Variants in NTF4 observed in about 807,000 individuals in gnomAD.
NTF4 encodes the protein neurotrophin 4.
In NTF4, 2 loss-of-function variants were observed where a neutral mutation model predicts 4.4. The ratio of observed to expected loss-of-function variants is 0.46; its 90% CI spans 0.19 to 1.44. The LOEUF (loss-of-function observed/expected upper bound fraction) is 1.44. NTF4 is among the 40% of genes most tolerant of loss of function. The pLI, the probability that NTF4 is intolerant of heterozygous loss-of-function variation, is 0.26. For missense variants in NTF4, 260 were observed against 293.0 expected (o/e 0.89, Z 0.82); for synonymous variants, 127 against 122.0 (o/e 1.04, Z -0.27).
upstream of NTF4, chr19:49,063,747 ACCT>A (rs1252909391): frequency 2.6e-5 from 4 of 151,840 alleles, no homozygotes; most frequent in African/African-American, 9.7e-5. Flanking sequence ...ACCTGTCAGC[ACCT>A]CCTCCGCCTC....
chr19:49,058,367 A>G (rs949360409), downstream of NTF4: 17 of 1,292,330 alleles, frequency 1.3e-5, no homozygotes, highest in African/African-American at 1.5e-5. Flanking sequence ...GGCGCCGCAC[A>G]TCAGCTAGAA....
At chr19:49,060,036 CAAAAAAAAAAAA>C (rs55870191), downstream of NTF4, among the ~76,000 whole-genome samples, 28 of 28,424 alleles carry the variant, frequency 9.9e-4, no homozygotes, top group East Asian at 8.0e-3. Flanking sequence ...GACTCCATCT[CAAAAAAAAAAAA>C]AAAAAAAAAA....
chr19:49,058,632 A>T (rs1335951293), downstream of NTF4: 4 of 389,468 alleles, frequency 1.0e-5, no homozygotes, highest in African/African-American at 8.4e-5. Flanking sequence ...GGCGGGGGGA[A>T]GGGTACGGGT....
In NTF4 at chr19:49,061,621, G is replaced by A; in HGVS notation, c.377C>T (p.Ala126Val). Residue 126 changes from alanine to valine, a missense_variant, in exon 1 of 1, where the codon GCA (alanine) becomes GTA (valine). By Grantham distance (64) the Ala-to-Val change is moderately conservative. Coordinates refer to ENST00000593537, the Ensembl canonical transcript of NTF4. This position sits in a 1 kb window ranked among gnomAD's most constrained non-coding sequence, Gnocchi z 4.9. ...CTGGCGGAGGGGACTGCCGCCAGCT[G>A]CAGGCACCTCGCCCAACACCTCCAC... 6.2e-7 allele frequency: 1 copy of A among 1,613,940 alleles called. No homozygotes were observed. Among genetic ancestry groups the A allele is most frequent in the Non-Finnish European group, 8.5e-7 (1 of 1,180,016 alleles).
In NTF4 at chr19:49,061,212, TG is replaced by T. The variant is rs1299304300; in HGVS notation, c.*152del. On this transcript the variant is annotated 3_prime_UTR_variant, in exon 1 of 1. Transcript: ENST00000593537. This position sits in a 1 kb window ranked among gnomAD's most constrained non-coding sequence, Gnocchi z 4.9. ...CCTATTCAACCTCCAAAACCCCATGTGGTTTCACCCATCCTGCAGAGATTGA... is the reference window on the plus strand; with the variant it reads ...CCTATTCAACCTCCAAAACCCCATGTGTTTCACCCATCCTGCAGAGATTGA... The T allele has an allele frequency of 6.9e-7, 1 of 1,458,856 alleles. No homozygotes were observed. The highest frequency in any genetic ancestry group is 1.4e-5 in the African/African-American group (1 of 71,454). The allele number at this position is 1,458,856 out of a possible 1,614,324, so 90.4% of individuals were successfully genotyped here. A position where few individuals can be genotyped will look rare whatever the true frequency, so the allele number is the denominator to read the frequency against.
upstream of NTF4, chr19:49,064,496 T>C (rs1181787213): frequency 1.3e-5 from 2 of 157,666 alleles, no homozygotes; most frequent in Non-Finnish European, 2.7e-5. Context: ...GACCCAGAAG[T>C]CCAGGCCCCC....
rs759034173 is a variant in NTF4, at chr19:49,061,540, G to A, written c.458C>T (p.Ala153Val). 1.9e-6 allele frequency: 3 copies of A among 1,614,134 alleles called. No homozygotes were observed. The highest frequency in any genetic ancestry group is 2.5e-6 in the Non-Finnish European group (3 of 1,180,024). ...CACTCCCCGGCAGCCCCCTCCACCT[G>A]CCCCCGGGCCACCTTCCTCAGCGTT... Residue 153 changes from alanine (A) to valine (V), a missense_variant, in exon 1 of 1, where the codon GCA becomes GTA. Physicochemically the swap from Ala to Val is moderately conservative, Grantham distance 64 (BLOSUM62 0). Transcript: ENST00000593537. The surrounding 1 kb of genome is among the most constrained non-coding windows in gnomAD (Gnocchi z 4.9).
chr19:49,061,426 C>T lies in NTF4; in HGVS notation c.572G>A (p.Arg191Gln), dbSNP rs533615274. 1.9e-5 allele frequency: 30 copies of T among 1,613,810 alleles called. No individual in the cohort carries two copies. Among genetic ancestry groups the T allele is most frequent in the Non-Finnish European group, 2.5e-5 (30 of 1,180,024 alleles). ...GCAGGCAGTGTCAATTCGAATCCAT[C>T]GCCAGCCCACACGGCCCTGGGCATC... Residue 191 changes from arginine to glutamine, a missense_variant, in exon 1 of 1, where the codon CGA (arginine) becomes CAA (glutamine). Physicochemically the swap from Arg to Gln is conservative, Grantham distance 43 (BLOSUM62 1). Transcript: ENST00000593537. This position sits in a 1 kb window ranked among gnomAD's most constrained non-coding sequence, Gnocchi z 4.9.
downstream of NTF4, among the ~76,000 whole-genome samples, chr19:49,059,430 GAAGA>G (rs1046392113): frequency 6.6e-6 from 1 of 152,182 alleles, no homozygotes; most frequent in African/African-American, 2.4e-5. Flanking sequence ...AGACAGGGAG[GAAGA>G]AAGAGACCAC....
upstream of NTF4, chr19:49,064,519 C>G (rs952125273): frequency 6.3e-6 from 1 of 158,720 alleles, no homozygotes; most frequent in Non-Finnish European, 1.4e-5. Flanking sequence ...CACCCTTCTC[C>G]CTCAGACCCA....
upstream of NTF4, among the ~76,000 whole-genome samples, chr19:49,063,279 T>C (rs1287813508): frequency 2.0e-5 from 3 of 151,844 alleles, no homozygotes; most frequent in Non-Finnish European, 2.9e-5. Context: ...AGTGCTGGGA[T>C]TACAAGCATA....
rs778759908 is a variant in NTF4, at chr19:49,061,344, T to G, written c.*21A>C. On this transcript the variant is annotated 3_prime_UTR_variant, in exon 1 of 1. Transcript: ENST00000593537. The surrounding 1 kb of genome is among the most constrained non-coding windows in gnomAD (Gnocchi z 4.9). Reference sequence around the variant, plus strand: ...TGAGGTCTCTCAGCATCCAGCTCTGTTATTTTCCTGGGCATGGGTCTCAGG... The same window carrying G: ...TGAGGTCTCTCAGCATCCAGCTCTGGTATTTTCCTGGGCATGGGTCTCAGG... The G allele has an allele frequency of 3.1e-6, 5 of 1,611,320 alleles. No individual in the cohort carries two copies. The African/African-American group carries it at 6.7e-5, about 22-fold the overall frequency.
chr19:49,060,027 A>G (rs893035974), downstream of NTF4, among the ~76,000 whole-genome samples: 9 of 110,108 alleles, frequency 8.2e-5, no homozygotes, highest in East Asian at 2.9e-4. Flanking sequence ...ACAGAGCGAG[A>G]CTCCATCTCA....
chr19:49,059,092 A>G (rs2040102091), downstream of NTF4, among the ~76,000 whole-genome samples: 1 of 152,052 alleles, frequency 6.6e-6, no homozygotes, highest in African/African-American at 2.4e-5. Context: ...AGACCCCTGC[A>G]CTGCCCCCAG....
rs912207320 is a variant in NTF4 at position 49,061,846 on chromosome 19, C to T, written c.152G>A (p.Gly51Asp). Residue 51 changes from glycine to aspartate, a missense_variant, in exon 1 of 1, where the codon GGT (glycine) becomes GAT (aspartate). By Grantham distance (94) the Gly-to-Asp change is moderately conservative (BLOSUM62 -1). Coordinates refer to ENST00000593537, the Ensembl canonical transcript of NTF4. The surrounding 1 kb of genome is among the most constrained non-coding windows in gnomAD (Gnocchi z 4.9). The stretch of plus-strand genomic sequence containing the variant: ...GAGCAGAGGGGGCCCAGCAGGGGCA[C>T]CCCTAGACAGGACTACTCGGGGGGA... 58 of 1,549,814 alleles carry T rather than the reference C, an allele frequency of 3.7e-5. No individual in the cohort carries two copies. The highest frequency in any genetic ancestry group is 5.0e-5 in the Non-Finnish European group (57 of 1,146,450).
At position 49,061,721 on chromosome 19, in the gene NTF4, C is replaced by T. The variant is rs371019044; in HGVS notation, c.277G>A (p.Glu93Lys). The stretch of plus-strand genomic sequence containing the variant: ...CTGACTGCATCGCACACAGCCAGCT[C>T]ACCCCGACGACTCGCTGGTGCAGTT... The change falls in exon 1 of 1, where the codon GAG (glutamate) becomes AAG (lysine). Residue 93 changes from glutamate to lysine, a missense_variant. Transcript: ENST00000593537. This position sits in a 1 kb window ranked among gnomAD's most constrained non-coding sequence, Gnocchi z 4.9. 6.8e-6 allele frequency: 11 copies of T among 1,613,008 alleles called. No individual in the cohort carries two copies. In the African/African-American group the frequency reaches 1.1e-4, roughly 16 times the overall value.
downstream of NTF4, chr19:49,060,976 G>A (rs558961808): frequency 3.2e-4 from 77 of 241,514 alleles, no homozygotes; most frequent in South Asian, 3.9e-3. Flanking sequence ...CACCCACATC[G>A]TGAAATGTCC....
In NTF4 at chr19:49,061,396, C is replaced by A; in HGVS notation, c.602G>T (p.Cys201Phe). The A allele has an allele frequency of 6.2e-7, 1 of 1,612,998 alleles. No homozygotes were observed. The highest frequency in any genetic ancestry group is 8.5e-7 in the Non-Finnish European group (1 of 1,180,036). ...CCGGCCAGTCCGGCTGAGGAGTGTG[C>A]AGACGCAGGCAGTGTCAATTCGAAT... Residue 201 changes from cysteine (C) to phenylalanine (F), a missense_variant, in exon 1 of 1, where the codon TGC becomes TTC. Coordinates refer to ENST00000593537, the Ensembl canonical transcript of NTF4. The surrounding 1 kb of genome is among the most constrained non-coding windows in gnomAD (Gnocchi z 4.9).
chr19:49,063,138 G>A (rs1423491092), upstream of NTF4, among the ~76,000 whole-genome samples: 1 of 148,804 alleles, frequency 6.7e-6, no homozygotes, highest in East Asian at 2.0e-4. Flanking sequence ...TTCTGAGTAG[G>A]TGGGATTACA....
Sources: gnomAD v4.1 joint callset for allele counts (sites outside exome capture counted in the v4.1 genomes callset) on GRCh38, gnomAD v4.1.1 for gene constraint, Gnocchi (gnomAD v3.1) non-coding constraint, MANE v1.5 for transcripts, NCBI Gene and HGNC (gene_info 2026-07-23, HGNC 2026-07-21) for gene names.